The following CHODL variants were observed in gnomAD, a reference collection of about 807,000 sequenced individuals.
The protein encoded by CHODL is transmembrane protein MT75.
In CHODL, 29 loss-of-function variants were observed where a neutral mutation model predicts 34.5. The ratio of observed to expected loss-of-function variants is 0.84; its 90% CI spans 0.63 to 1.15. CHODL has a LOEUF of 1.15. Among genes scored for constraint, CHODL ranks in the 50% most tolerant of loss-of-function variants. The pLI is 0.00. For missense variants in CHODL, 332 were observed against 332.5 expected (o/e 1.00, Z 0.01); for synonymous variants, 125 against 116.1 (o/e 1.08, Z -0.49).
intron 2 of CHODL, among the ~76,000 whole-genome samples, chr21:18,076,246 G>A (rs1365199603): frequency 6.6e-6 from 1 of 152,134 alleles, no homozygotes. Context: ...GAGAATACCT[G>A]AACAGATGTT....
intron 2 of CHODL, among the ~76,000 whole-genome samples, chr21:18,067,617 C>G (rs1265024491): frequency 6.6e-6 from 1 of 152,186 alleles, no homozygotes; most frequent in Non-Finnish European, 1.5e-5. Context: ...ATGAAACAAT[C>G]AGTTTCTTCT....
intron 2 of CHODL, among the ~76,000 whole-genome samples, chr21:18,094,539 C>A (rs2065114400): frequency 6.6e-6 from 1 of 151,706 alleles, no homozygotes; most frequent in South Asian, 2.1e-4. Context: ...AACTAGACAC[C>A]AATAAAGAGG....
At chr21:17,967,594 A>T (rs422880) in intron 1 of CHODL, among the ~76,000 whole-genome samples, 2 of 151,914 alleles carry the variant, frequency 1.3e-5, no homozygotes, top group African/African-American at 4.8e-5. Context: ...AATGCCTCCT[A>T]TGTAGTAACA....
At chr21:18,130,043 G>A (rs774939000) in intron 2 of CHODL, among the ~76,000 whole-genome samples, 2 of 151,992 alleles carry the variant, frequency 1.3e-5, no homozygotes, top group African/African-American at 2.4e-5. Context: ...GATTTTCACC[G>A]GAGCAAGGAG....
Position 18,205,931 on chromosome 21 carries a change from T to C in CHODL, c.-44-50578T>C, listed in dbSNP as rs141598567. Among the ~76,000 whole-genome samples, 309 of 152,254 alleles carry C rather than the reference T, an allele frequency of 2.0e-3. 4 individuals are homozygous for C. The highest frequency in any genetic ancestry group is 0.016 in the Admixed American group (237 of 15,286). ...TAGGAGCATACTTTTAATTTCCATG[T>C]ATTTGTATAGTTTTCAAAATTCCTC... On this transcript the variant is annotated intron_variant, in intron 2 of 6. Transcript: ENST00000400127.
chr21:17,974,893 T>C lies in CHODL; in HGVS notation c.-144-52979T>C, dbSNP rs373984994. 3.1e-4 allele frequency among the ~76,000 whole-genome samples: 47 copies of C among 149,378 alleles called. No homozygotes were observed. The South Asian group carries it at 6.7e-3, about 21-fold the overall frequency. On this transcript the variant is annotated intron_variant, in intron 1 of 6. Transcript: ENST00000400127. ...GTCAAACAATTTTATAAAAAGACAT[T>C]AATTCTGAGGCAGTCAAAATGTACT...
chr21:18,081,218 C>CT (rs1193428093), intron 2 of CHODL, among the ~76,000 whole-genome samples: 1 of 152,090 alleles, frequency 6.6e-6, no homozygotes, highest in Non-Finnish European at 1.5e-5. Context: ...TTTATCAAAT[C>CT]TAAGAGTTTT....
intron 2 of CHODL, among the ~76,000 whole-genome samples, chr21:18,163,784 C>T (rs1459326968): frequency 7.9e-6 from 1 of 126,770 alleles, no homozygotes; most frequent in Non-Finnish European, 1.9e-5. Context: ...CTCTCATGTA[C>T]AGGTTTTCTG....
At chr21:18,000,077 C>T (rs75054033) in intron 1 of CHODL, among the ~76,000 whole-genome samples, 80 of 152,224 alleles carry the variant, frequency 5.3e-4, no homozygotes, top group African/African-American at 1.8e-3. Context: ...ACACTTAAAG[C>T]GATTGCTAAA....
chr21:18,257,744 T>C (rs1237759433), intron 3 of CHODL, among the ~76,000 whole-genome samples: 1 of 152,216 alleles, frequency 6.6e-6, no homozygotes, highest in Non-Finnish European at 1.5e-5. Context: ...ACTTGTCATA[T>C]GCAGCAAATG....
Position 18,023,558 on chromosome 21 carries a change from C to T in CHODL, c.-144-4314C>T, listed in dbSNP as rs544654162. Among the ~76,000 whole-genome samples the T allele has an allele frequency of 5.9e-5, 9 of 152,156 alleles. No homozygotes were observed. The South Asian group carries it at 1.9e-3, about 32-fold the overall frequency. On this transcript the variant is annotated intron_variant, in intron 1 of 6. Transcript: ENST00000400127. ...GAGTTGTTGGCTGTGCATCTGGGTC[C>T]ACTCTTGTTGGTAAAGAGGAGCCTG...
At position 18,044,956 on chromosome 21, in the gene CHODL, G is replaced by A. The variant is rs73196655; in HGVS notation, c.-45+16985G>A. ...GAGTAAGATAGACAGGGTCTATGTC[G>A]TTATGCAGATGCATGTGGGTGAGGG... On this transcript the variant is annotated intron_variant, in intron 2 of 6. Coordinates refer to the CHODL transcript ENST00000400127. 9.0e-3 allele frequency among the ~76,000 whole-genome samples: 1,365 copies of A among 152,018 alleles called. 14 individuals are homozygous for A. The highest frequency in any genetic ancestry group is 0.014 in the Non-Finnish European group (938 of 67,916).
At chr21:18,204,244 T>TA (rs961186404) in intron 2 of CHODL, among the ~76,000 whole-genome samples, 1 of 152,120 alleles carries the variant, frequency 6.6e-6, no homozygotes, top group Non-Finnish European at 1.5e-5. Flanking sequence ...AGTCTGTGAC[T>TA]AAAAAAACCT....
chr21:18,047,176 C>T (rs1208731603), intron 2 of CHODL, among the ~76,000 whole-genome samples: 1 of 151,952 alleles, frequency 6.6e-6, no homozygotes, highest in Non-Finnish European at 1.5e-5. Flanking sequence ...TAACCCTTCT[C>T]CATTTAATTA....
At chr21:17,932,429 C>T (rs537124865) in intron 1 of CHODL, among the ~76,000 whole-genome samples, 26 of 152,232 alleles carry the variant, frequency 1.7e-4, no homozygotes, top group African/African-American at 6.0e-4. Context: ...TAGGATCTAC[C>T]ATTTGACCCA....
chr21:18,247,804 A>G (rs186783110), intron 1 of CHODL, among the ~76,000 whole-genome samples: 4 of 152,138 alleles, frequency 2.6e-5, no homozygotes, highest in Admixed American at 2.6e-4. Flanking sequence ...TGTGTAGAGA[A>G]TATCTATGGG....
intron 1 of CHODL, among the ~76,000 whole-genome samples, chr21:18,003,136 CAAA>C (rs148355768): frequency 1.4e-5 from 2 of 141,066 alleles, no homozygotes; most frequent in South Asian, 2.3e-4. Flanking sequence ...AAAAAAAAAA[CAAA>C]AAAAAAACCC....
intron 1 of CHODL, among the ~76,000 whole-genome samples, chr21:17,945,287 T>A (rs1205200340): frequency 6.7e-6 from 1 of 150,326 alleles, no homozygotes; most frequent in Non-Finnish European, 1.5e-5. Context: ...CTAAAAAAAA[T>A]TTAGAATAAT....
intron 2 of CHODL, among the ~76,000 whole-genome samples, chr21:18,121,200 C>T (rs1232639197): frequency 1.3e-5 from 2 of 152,060 alleles, no homozygotes; most frequent in African/African-American, 4.8e-5. Context: ...CAGGGGTGTC[C>T]AATCTTTTGA....
Sources: allele counts gnomAD v4.1 joint callset (sites outside exome capture counted in the v4.1 genomes callset), GRCh38; gene constraint gnomAD v4.1.1; transcripts MANE v1.5; gene names NCBI Gene and HGNC (gene_info 2026-07-23, HGNC 2026-07-21).